The following C2CD3 variants were observed in gnomAD, a reference collection of about 807,000 sequenced individuals.
The protein encoded by C2CD3 is C2 domain containing 3 centriole elongation regulator.
Under a neutral mutation model 234.0 loss-of-function variants are expected in C2CD3, and 148 were observed. The ratio of observed to expected loss-of-function variants is 0.63; its 90% CI spans 0.55 to 0.72. The LOEUF (loss-of-function observed/expected upper bound fraction) is 0.72, where lower values mean the gene tolerates loss of function less well. Ranked by LOEUF, C2CD3 falls within the 30% of genes least tolerant of loss-of-function variation. The probability of loss-of-function intolerance (pLI) is 0.00; values close to 1 mark genes in which losing one functional copy is unlikely to be tolerated. For synonymous variants in C2CD3, 1,000 were observed against 1,035.4 expected, an observed-to-expected ratio of 0.97 and a Z score of 0.66; for missense variants, 2,577 against 2,811.5, an observed-to-expected ratio of 0.92 and a Z score of 1.89.
chr11:74,082,239 C>T (rs1240406154), intron 22 of C2CD3, among the ~76,000 whole-genome samples: 3 of 151,930 alleles, frequency 2.0e-5, no homozygotes, highest in African/African-American at 4.8e-5. Context: ...CCTCAGCCCC[C>T]GGAGTAGCTG....
chr11:74,053,656 G>A (rs980204404), intron 26 of C2CD3, among the ~76,000 whole-genome samples: 3 of 152,226 alleles, frequency 2.0e-5, no homozygotes, highest in Non-Finnish European at 4.4e-5. Context: ...ATAAGCCAGA[G>A]TCAACAGAAG....
At chr11:74,146,847 G>A (rs1855238015) in intron 3 of C2CD3, among the ~76,000 whole-genome samples, 1 of 151,876 alleles carries the variant, frequency 6.6e-6, no homozygotes, top group Non-Finnish European at 1.5e-5. Context: ...GAGGTCAGGA[G>A]CTCGAGACCA....
intron 19 of C2CD3, among the ~76,000 whole-genome samples, 189 bp from the exon 20 acceptor site, chr11:74,091,125 T>C (rs1021001913): frequency 2.6e-5 from 4 of 152,268 alleles, no homozygotes; most frequent in Non-Finnish European, 5.9e-5. Context: ...AACAGGTTAC[T>C]AATTTACTTT....
At chr11:74,044,025 T>C (rs1253136045) in intron 28 of C2CD3, among the ~76,000 whole-genome samples, 1 of 152,012 alleles carries the variant, frequency 6.6e-6, no homozygotes, top group Non-Finnish European at 1.5e-5. Flanking sequence ...GCTCTCACCA[T>C]GTTGCCCATC....
At chr11:74,167,240 C>A (rs1477448809) in intron 2 of C2CD3, among the ~76,000 whole-genome samples, 4 of 152,130 alleles carry the variant, frequency 2.6e-5, no homozygotes, top group African/African-American at 9.7e-5. Flanking sequence ...AATACCTTCT[C>A]TCTTATTGAA....
chr11:74,054,643 G>A lies in C2CD3; in HGVS notation c.5119C>T (p.Gln1707Ter), dbSNP rs768641926. Reference sequence around the variant, plus strand: ...CAAACTTTGAAGACCAGGGTTTGTTGTGGGTCCAGAAGCAGCTCTTTTGAT... The same window carrying A: ...CAAACTTTGAAGACCAGGGTTTGTTATGGGTCCAGAAGCAGCTCTTTTGAT... ...RLSKELLLDP[Q>*]QTLVFKVWHK... Residue 1707 changes from glutamine (Q) to a stop codon, truncating the protein, a stop_gained, in exon 26 of 33, where the codon CAA becomes TAA. Transcript: ENST00000334126. LOFTEE classifies it high-confidence loss of function. The A allele has an allele frequency of 1.2e-6, 2 of 1,611,898 alleles. No individual in the cohort carries two copies. The highest frequency in any genetic ancestry group is 2.2e-5 in the South Asian group (2 of 90,792).
Position 74,093,808 on chromosome 11 carries a change from C to G in C2CD3, c.3344+8G>C. The G allele has an allele frequency of 6.2e-7, 1 of 1,612,706 alleles. No individual in the cohort carries two copies. Among genetic ancestry groups the G allele is most frequent in the South Asian group, 1.1e-5 (1 of 91,000 alleles). On this transcript the variant is annotated splice_region_variant and intron_variant, in intron 18 of 32. Coordinates refer to ENST00000334126, the MANE Select transcript of C2CD3 (RefSeq NM_001286577.2). ...CCTAGGCATAGGACTGGGGTCTCCACACTGTACCTGCACCAGATTTCAAAC... is the reference window on the plus strand; with the variant it reads ...CCTAGGCATAGGACTGGGGTCTCCAGACTGTACCTGCACCAGATTTCAAAC...
intron 32 of C2CD3, among the ~76,000 whole-genome samples, chr11:74,018,671 T>C (rs1951966011): frequency 1.3e-5 from 2 of 152,254 alleles, no homozygotes; most frequent in South Asian, 4.1e-4. Flanking sequence ...GAGTCTGGCC[T>C]GGACTAGAAC....
At chr11:74,170,666 C>A in intron 1 of C2CD3, 72 bp downstream of exon 1, 1 of 1,532,364 alleles carries the variant, frequency 6.5e-7, no homozygotes, top group Non-Finnish European at 9.0e-7. Flanking sequence ...AGCGGGGGTG[C>A]GGGTCTCCCT....
At chr11:74,036,599 C>T (rs1460584052) in intron 30 of C2CD3, 8 of 433,810 alleles carry the variant, frequency 1.8e-5, no homozygotes, top group East Asian at 7.0e-5. Flanking sequence ...CTACACATTT[C>T]GCTCAAGCAA....
chr11:74,082,555 G>A (rs1031917354), intron 22 of C2CD3, among the ~76,000 whole-genome samples: 1 of 152,114 alleles, frequency 6.6e-6, no homozygotes, highest in African/African-American at 2.4e-5. Flanking sequence ...TGTGGTTTTT[G>A]TCATTGGTTC....
chr11:74,117,185 A>C (rs1304051694), intron 9 of C2CD3, among the ~76,000 whole-genome samples: 1 of 20,782 alleles, frequency 4.8e-5, no homozygotes, highest in East Asian at 9.6e-4. Flanking sequence ...TATATATATG[A>C]ATATATATAT....
chr11:74,063,151 C>G (rs1954330601), intron 24 of C2CD3, among the ~76,000 whole-genome samples: 1 of 152,090 alleles, frequency 6.6e-6, no homozygotes, highest in Non-Finnish European at 1.5e-5. Flanking sequence ...GCCTACCAAC[C>G]AAAAACATCC....
chr11:74,037,722 A>C (rs763104090), intron 29 of C2CD3, 24 bp from the exon 30 acceptor site: 21 of 1,551,898 alleles, frequency 1.4e-5, no homozygotes, highest in African/African-American at 6.8e-5. Flanking sequence ...GGGGAGAAGA[A>C]GACAAAGGGG....
At chr11:74,091,891 T>C (rs1955906536) in intron 19 of C2CD3, among the ~76,000 whole-genome samples, 1 of 152,148 alleles carries the variant, frequency 6.6e-6, no homozygotes, top group Non-Finnish European at 1.5e-5. Flanking sequence ...GCAGTGTATA[T>C]TCTATACTCA....
At chr11:74,084,069 T>C (rs1955523925) in intron 22 of C2CD3, among the ~76,000 whole-genome samples, 1 of 151,980 alleles carries the variant, frequency 6.6e-6, no homozygotes, top group Non-Finnish European at 1.5e-5. Flanking sequence ...ACAGACTGGA[T>C]TAAGAAAATG....
Position 74,093,814 on chromosome 11 carries a change from A to G in C2CD3, c.3344+2T>C. On this transcript the variant is annotated splice_donor_variant, in intron 18 of 32. Coordinates refer to ENST00000334126, the MANE Select transcript of C2CD3 (RefSeq NM_001286577.2). LOFTEE classifies it high-confidence loss of function. ...CATAGGACTGGGGTCTCCACACTGTACCTGCACCAGATTTCAAACTGGACT... is the reference window on the plus strand; with the variant it reads ...CATAGGACTGGGGTCTCCACACTGTGCCTGCACCAGATTTCAAACTGGACT... The G allele has an allele frequency of 6.2e-7, 1 of 1,613,278 alleles. No individual in the cohort carries two copies. Among genetic ancestry groups the G allele is most frequent in the Non-Finnish European group, 8.5e-7 (1 of 1,179,506 alleles).
intron 9 of C2CD3, among the ~76,000 whole-genome samples, chr11:74,115,363 ACCCACTATTCTAAT>A (rs1001612064): frequency 5.3e-5 from 8 of 152,138 alleles, no homozygotes; most frequent in Non-Finnish European, 1.2e-4. Context: ...TATTTCAGTT[ACCCACTATTCTAAT>A]GTAACTACTA....
At chr11:74,066,803 G>A (rs1954562847) in intron 24 of C2CD3, among the ~76,000 whole-genome samples, 1 of 152,162 alleles carries the variant, frequency 6.6e-6, no homozygotes, top group South Asian at 2.1e-4. Context: ...ACAGCACCAT[G>A]TCATAGACCA....
Sources: gnomAD v4.1 joint callset for allele counts (sites outside exome capture counted in the v4.1 genomes callset) on GRCh38, gnomAD v4.1.1 for gene constraint, MANE v1.5 for transcripts, NCBI Gene and HGNC (gene_info 2026-07-23, HGNC 2026-07-21) for gene names.